Variants in CNTN5 observed in about 807,000 individuals in gnomAD.
The protein encoded by CNTN5 is contactin 5.
Under a neutral mutation model 129.1 loss-of-function variants are expected in CNTN5, and 77 were observed. The ratio of observed to expected loss-of-function variants is 0.60; its 90% confidence interval spans 0.50 to 0.72. The LOEUF is 0.72. Among genes scored for constraint, CNTN5 ranks in the 30% least tolerant of loss-of-function variants. CNTN5 has a pLI of 0.00. For missense variants in CNTN5, 1,478 were observed against 1,328.8 expected (o/e 1.11, Z -1.75); for synonymous variants, 509 against 465.6 (o/e 1.09, Z -1.20).
At chr11:99,046,184 C>CA (rs1014650748) in intron 1 of CNTN5, among the ~76,000 whole-genome samples, 30 of 150,952 alleles carry the variant, frequency 2.0e-4, no homozygotes, top group East Asian at 3.9e-4. Context: ...ACTAAAAATA[C>CA]AAAAAAAAAT....
At chr11:99,268,203 A>T (rs1862999960) in intron 1 of CNTN5, among the ~76,000 whole-genome samples, 1 of 151,976 alleles carries the variant, frequency 6.6e-6, no homozygotes, top group African/African-American at 2.4e-5. Flanking sequence ...ACAGTTCAAT[A>T]AACCCAGAAT....
chr11:100,078,501 A>C (rs1944236216), intron 13 of CNTN5, among the ~76,000 whole-genome samples: 1 of 152,122 alleles, frequency 6.6e-6, no homozygotes, highest in South Asian at 2.1e-4. Context: ...TCACATTATT[A>C]CTAATAATGA....
At chr11:99,231,488 AC>A (rs1388896419) in intron 1 of CNTN5, among the ~76,000 whole-genome samples, 4 of 152,012 alleles carry the variant, frequency 2.6e-5, no homozygotes, top group Admixed American at 2.6e-4. Context: ...CCACTTTTTA[AC>A]GGGGTTATTT....
At chr11:99,763,117 A>G (rs1052280102) in intron 3 of CNTN5, among the ~76,000 whole-genome samples, 3 of 135,378 alleles carry the variant, frequency 2.2e-5, no homozygotes, top group African/African-American at 7.9e-5. Flanking sequence ...TGTCATATTC[A>G]TATACTTTAC....
chr11:99,358,367 A>G (rs990541147), intron 2 of CNTN5, among the ~76,000 whole-genome samples: 1 of 140,730 alleles, frequency 7.1e-6, no homozygotes, highest in Non-Finnish European at 1.5e-5. Flanking sequence ...GTGCTGGGAT[A>G]GCAGCCGGGC....
intron 2 of CNTN5, among the ~76,000 whole-genome samples, chr11:99,447,583 A>C (rs1039221209): frequency 2.6e-5 from 4 of 152,202 alleles, no homozygotes; most frequent in African/African-American, 9.6e-5. Context: ...TTGTAACTCA[A>C]GGGTTATTGT....
chr11:99,500,929 T>C (rs1448571962), intron 2 of CNTN5, among the ~76,000 whole-genome samples: 2 of 152,222 alleles, frequency 1.3e-5, no homozygotes, highest in Non-Finnish European at 2.9e-5. Context: ...AGTTATTTTT[T>C]CTTACCTGTA....
chr11:99,083,766 G>A (rs1331607829), intron 1 of CNTN5, among the ~76,000 whole-genome samples: 1 of 152,062 alleles, frequency 6.6e-6, no homozygotes, highest in Non-Finnish European at 1.5e-5. Flanking sequence ...ATGAATTGTG[G>A]GGAAGTGAGT....
At position 100,070,430 on chromosome 11, in the gene CNTN5, C is replaced by G; in HGVS notation, c.1169C>G (p.Pro390Arg). Reference protein sequence around the residue: ...FRGQLQVYTYPHWVEKLNDTQ... With the variant: ...FRGQLQVYTYRHWVEKLNDTQ... ...ACTGCTTACATACTTACAGCCTACC[C>G]ACACTGGGTAGAAAAACTGAATGAT... is the stretch of plus-strand genomic sequence containing the variant. The change falls in exon 11 of 25, where the codon CCA (proline) becomes CGA (arginine). Residue 390 changes from proline to arginine, a missense_variant. Physicochemically the swap from Pro to Arg is moderately radical, Grantham distance 103 (BLOSUM62 -2). Transcript: ENST00000524871. 1 of 1,611,646 alleles carries G rather than the reference C, an allele frequency of 6.2e-7. No individual in the cohort carries two copies. The highest frequency in any genetic ancestry group is 8.5e-7 in the Non-Finnish European group (1 of 1,178,764).
chr11:99,993,095 C>A (rs1939220902), intron 8 of CNTN5, among the ~76,000 whole-genome samples: 1 of 152,144 alleles, frequency 6.6e-6, no homozygotes, highest in South Asian at 2.1e-4. Context: ...TCAAACTCTG[C>A]CTAACAAAAG....
At chr11:99,140,899 A>ATT (rs71046669) in intron 1 of CNTN5, among the ~76,000 whole-genome samples, 4,899 of 149,754 alleles carry the variant, frequency 0.033, 234 homozygotes, top group African/African-American at 0.11. Context: ...ATTTTCTAGT[A>ATT]TTTTTTTTTT....
At chr11:99,194,733 G>C in intron 1 of CNTN5, among the ~76,000 whole-genome samples, 1 of 152,112 alleles carries the variant, frequency 6.6e-6, no homozygotes, top group Non-Finnish European at 1.5e-5. Flanking sequence ...AGCCTCCCCA[G>C]TAGCTGGGAC....
rs532745419 is a variant in CNTN5, at chr11:99,777,745, C to G, written c.56-41799C>G. On this transcript the variant is annotated intron_variant, in intron 3 of 24. Coordinates refer to ENST00000524871, the MANE Select transcript of CNTN5 (RefSeq NM_014361.4). The stretch of plus-strand genomic sequence containing the variant: ...ACAGAGTTGATTTTTAATGCCAAAA[C>G]ATTTCAAATTGAGTAACAATAATAG... Among the ~76,000 whole-genome samples, 46 of 151,868 alleles carry G rather than the reference C, an allele frequency of 3.0e-4. No individual in the cohort carries two copies. The South Asian group carries it at 8.9e-3, about 29-fold the overall frequency.
intron 3 of CNTN5, among the ~76,000 whole-genome samples, chr11:99,767,627 CA>C (rs11308192): frequency 0.82 from 117,823 of 144,512 alleles, 48,403 homozygotes; most frequent in East Asian, 0.99. Context: ...GTTTTTAAAC[CA>C]AAAAAAAAAA....
intron 1 of CNTN5, among the ~76,000 whole-genome samples, chr11:99,277,081 TATC>T (rs908260336): frequency 3.3e-5 from 5 of 151,728 alleles, no homozygotes; most frequent in Non-Finnish European, 7.4e-5. Context: ...GCAACATACA[TATC>T]ATTTTGAAAA....
intron 6 of CNTN5, among the ~76,000 whole-genome samples, chr11:99,912,228 G>T (rs1949679614): frequency 6.6e-6 from 1 of 151,914 alleles, no homozygotes; most frequent in Non-Finnish European, 1.5e-5. Context: ...TCTAAAGTCT[G>T]TGTGTATGTG....
At chr11:100,320,287 G>T (rs1410506459) in intron 21 of CNTN5, among the ~76,000 whole-genome samples, 2 of 151,912 alleles carry the variant, frequency 1.3e-5, no homozygotes, top group Non-Finnish European at 2.9e-5. Context: ...TCATTTCCCT[G>T]ATGATTAGTG....
At chr11:100,250,490 A>G (rs1030824622) in intron 16 of CNTN5, among the ~76,000 whole-genome samples, 1 of 152,134 alleles carries the variant, frequency 6.6e-6, no homozygotes, top group Non-Finnish European at 1.5e-5. Flanking sequence ...TTACAGAAAA[A>G]TAAATAGGCA....
At chr11:100,327,219 C>T (rs1951807318) in intron 21 of CNTN5, among the ~76,000 whole-genome samples, 1 of 152,242 alleles carries the variant, frequency 6.6e-6, no homozygotes. Context: ...ATGTGTTACA[C>T]TTGCACATAG....
Sources: gnomAD v4.1 joint callset for allele counts (sites outside exome capture counted in the v4.1 genomes callset) on GRCh38, gnomAD v4.1.1 for gene constraint, MANE v1.5 for transcripts, NCBI Gene and HGNC (gene_info 2026-07-23, HGNC 2026-07-21) for gene names.